KALRN: variants seen among roughly 807,000 people sequenced by gnomAD.
KALRN encodes kalirin.
Under a neutral mutation model 353.7 loss-of-function variants are expected in KALRN, and 70 were observed. The observed-to-expected ratio is 0.20, with a 90% confidence interval of 0.16 to 0.24. The LOEUF (loss-of-function observed/expected upper bound fraction) is 0.24. Ranked by LOEUF, KALRN falls within the 10% of genes least tolerant of loss-of-function variation. The pLI is 1.00. For synonymous variants in KALRN, 1,391 were observed against 1,434.8 expected (o/e 0.97, Z 0.69); for missense variants, 2,791 against 3,756.7 (o/e 0.74, Z 6.72).
chr3:124,666,278 C>T (rs531468854), intron 45 of KALRN, among the ~76,000 whole-genome samples, 171 bp from the exon 46 acceptor site: 4 of 152,142 alleles, frequency 2.6e-5, no homozygotes, highest in African/African-American at 9.7e-5. Flanking sequence ...TGGCCAAGGT[C>T]GGCCCCTGGA....
intron 4 of KALRN, 50 bp downstream of exon 4, chr3:124,264,740 C>T: frequency 6.7e-7 from 1 of 1,490,314 alleles, no homozygotes; most frequent in Non-Finnish European, 9.4e-7. Flanking sequence ...CCCCTTCTGC[C>T]ATCCACACAT....
intron 55 of KALRN, among the ~76,000 whole-genome samples, chr3:124,697,949 A>G (rs756015003): frequency 6.6e-6 from 1 of 151,998 alleles, no homozygotes; most frequent in Non-Finnish European, 1.5e-5. Flanking sequence ...GGCATGAGCC[A>G]CTTTTATTTT....
intron 1 of KALRN, among the ~76,000 whole-genome samples, chr3:124,107,888 C>T (rs1216934322): frequency 6.6e-6 from 1 of 152,206 alleles, no homozygotes; most frequent in Admixed American, 6.5e-5. Context: ...AAGACAGCTC[C>T]TTCTGTGTTT....
intron 1 of KALRN, among the ~76,000 whole-genome samples, chr3:124,180,610 A>G (rs1298598762): frequency 6.6e-6 from 1 of 152,114 alleles, no homozygotes. Flanking sequence ...CCATCTCTTA[A>G]ATGGCAGAAG....
chr3:124,559,812 G>C (rs2071730709), intron 33 of KALRN, among the ~76,000 whole-genome samples: 1 of 152,192 alleles, frequency 6.6e-6, no homozygotes, highest in South Asian at 2.1e-4. Flanking sequence ...TCTTGCCAGG[G>C]TAGGGACCTG....
At chr3:124,587,516 A>G (rs992641296) in intron 34 of KALRN, among the ~76,000 whole-genome samples, 1 of 152,210 alleles carries the variant, frequency 6.6e-6, no homozygotes, top group Non-Finnish European at 1.5e-5. Context: ...TCTCTGGTGA[A>G]TTCTGAGTGG....
At chr3:124,197,807 T>C (rs1382452001) in intron 1 of KALRN, among the ~76,000 whole-genome samples, 1 of 152,142 alleles carries the variant, frequency 6.6e-6, no homozygotes, top group Admixed American at 6.5e-5. Context: ...CATCTAGAAA[T>C]GTTCCTTCTA....
intron 1 of KALRN, among the ~76,000 whole-genome samples, chr3:124,131,447 A>G (rs1224648170): frequency 6.6e-6 from 1 of 152,236 alleles, no homozygotes; most frequent in African/African-American, 2.4e-5. Flanking sequence ...GGTATAAGCT[A>G]TCAAGGAGTT....
At chr3:124,108,924 A>G (rs2062574308) in intron 1 of KALRN, among the ~76,000 whole-genome samples, 1 of 152,170 alleles carries the variant, frequency 6.6e-6, no homozygotes, top group African/African-American at 2.4e-5. Flanking sequence ...CTCACCATGA[A>G]TATAATTTGG....
chr3:124,612,396 T>C (rs549709997), intron 34 of KALRN, among the ~76,000 whole-genome samples: 388 of 152,230 alleles, frequency 2.5e-3, no homozygotes, highest in Non-Finnish European at 4.0e-3. Flanking sequence ...AGACATGGGG[T>C]TTCTCCATGT....
Position 124,422,815 on chromosome 3 carries a change from T to C in KALRN, c.2546T>C (p.Ile849Thr). The C allele has an allele frequency of 6.2e-7, 1 of 1,613,214 alleles. No individual in the cohort carries two copies. The highest frequency in any genetic ancestry group is 8.5e-7 in the Non-Finnish European group (1 of 1,179,398). Residue 849 changes from isoleucine (I) to threonine (T), a missense_variant, in exon 15 of 60, where the codon ATT becomes ACT. By Grantham distance (89) the Ile-to-Thr change is moderately conservative. Coordinates refer to ENST00000682506, the MANE Select transcript of KALRN (RefSeq NM_001388419.1). ...QYITEVQASG[I>T]ELICEKDIDL... ...GTTTCCATTTTTTTAAAATCAGGAATTGAGTTGATCTGTGAAAAAGACATT... is the reference window on the plus strand; with the variant it reads ...GTTTCCATTTTTTTAAAATCAGGAACTGAGTTGATCTGTGAAAAAGACATT...
chr3:124,152,293 C>T (rs2068219739), intron 1 of KALRN: 1 of 1,224,514 alleles, frequency 8.2e-7, no homozygotes, highest in Admixed American at 1.7e-5. Context: ...TTCTACAGTC[C>T]TCAGCATATT....
chr3:124,517,721 T>C (rs1006623323), intron 33 of KALRN, among the ~76,000 whole-genome samples: 1 of 152,198 alleles, frequency 6.6e-6, no homozygotes, highest in African/African-American at 2.4e-5. Context: ...AGCCTTGCAG[T>C]CTACCCAAAC....
chr3:124,074,232 A>T (rs1215725361), intron 1 of KALRN, among the ~76,000 whole-genome samples: 8 of 152,100 alleles, frequency 5.3e-5, no homozygotes, highest in Admixed American at 2.0e-4. Context: ...ATCCAATCAT[A>T]CTCTATTGTT....
chr3:124,597,649 T>C (rs2076394756), intron 34 of KALRN, among the ~76,000 whole-genome samples: 1 of 152,236 alleles, frequency 6.6e-6, no homozygotes, highest in Admixed American at 6.5e-5. Context: ...TGGCCATTTG[T>C]GGCTACTGAG....
chr3:124,695,576 C>A (rs1184300993), intron 53 of KALRN, among the ~76,000 whole-genome samples: 1 of 152,110 alleles, frequency 6.6e-6, no homozygotes, highest in African/African-American at 2.4e-5. Flanking sequence ...TATTTCAGAG[C>A]AGTTCTCCCC....
chr3:124,189,948 A>AG (rs2074705778), intron 1 of KALRN, among the ~76,000 whole-genome samples: 2 of 151,904 alleles, frequency 1.3e-5, no homozygotes, highest in South Asian at 4.1e-4. Context: ...AAAAAAAAAA[A>AG]AAAAAGCAAC....
intron 25 of KALRN, among the ~76,000 whole-genome samples, chr3:124,463,369 CCAGGCT>C (rs1418028395): frequency 6.6e-6 from 1 of 152,210 alleles, no homozygotes; most frequent in Non-Finnish European, 1.5e-5. Flanking sequence ...CAGTGCTGTG[CCAGGCT>C]AGCAGAGGCA....
intron 16 of KALRN, among the ~76,000 whole-genome samples, chr3:124,432,158 C>T (rs1319900646): frequency 6.6e-6 from 1 of 152,010 alleles, no homozygotes; most frequent in Non-Finnish European, 1.5e-5. Flanking sequence ...ATGTGTAATC[C>T]CAGCAATTTG....
Sources: gnomAD v4.1 joint callset for allele counts (sites outside exome capture counted in the v4.1 genomes callset) on GRCh38, gnomAD v4.1.1 for gene constraint, MANE v1.5 for transcripts, NCBI Gene and HGNC (gene_info 2026-07-23, HGNC 2026-07-21) for gene names.